Variants in RMDN1 observed in about 807,000 individuals in gnomAD.
RMDN1 encodes the protein regulator of microtubule dynamics protein 1.
RMDN1 carries 48 observed loss-of-function variants against 48.9 expected under a neutral mutation model. The observed-to-expected ratio is 0.98, with a 90% confidence interval of 0.78 to 1.25. RMDN1 has a LOEUF of 1.25. Among genes scored for constraint, RMDN1 ranks in the 50% most tolerant of loss-of-function variants. The pLI, the probability that RMDN1 is intolerant of heterozygous loss-of-function variation, is 0.00. For missense variants in RMDN1, 418 were observed against 373.4 expected (o/e 1.12, Z -0.98); for synonymous variants, 148 against 132.6 (o/e 1.12, Z -0.80).
downstream of RMDN1, chr8:86,470,230 G>T (rs1461157285): frequency 2.3e-6 from 3 of 1,289,286 alleles, no homozygotes; most frequent in Non-Finnish European, 3.0e-6. Flanking sequence ...TGATATACAT[G>T]TACGTGGGGA....
At position 86,474,848 on chromosome 8, in the gene RMDN1, T is replaced by A; in HGVS notation, c.866A>T (p.Tyr289Phe). 6.2e-7 allele frequency: 1 copy of A among 1,612,950 alleles called. No homozygotes were observed. Among genetic ancestry groups the A allele is most frequent in the Non-Finnish European group, 8.5e-7 (1 of 1,179,630 alleles). Residue 289 changes from tyrosine to phenylalanine, a missense_variant, in exon 9 of 10, where the codon TAT becomes TTT. Tyr to Phe is a conservative substitution (Grantham distance 22). Transcript: ENST00000406452. ...AAFWLMKAKD[Y>F]PAHTEEDKQI... is the part of the protein sequence containing the mutation. ...TTTATCCTCCTCTGTGTGTGCTGGA[T>A]AGTCCTTGGCTTTCATTAGCCAGAA...
chr8:86,491,367 C>A (rs1416382305), intron 2 of RMDN1, among the ~76,000 whole-genome samples: 3 of 151,978 alleles, frequency 2.0e-5, no homozygotes. Flanking sequence ...ATGTCTTGAC[C>A]TCGTGGTCTG....
At chr8:86,470,657 C>G (rs933120250), downstream of RMDN1, among the ~76,000 whole-genome samples, 1 of 152,090 alleles carries the variant, frequency 6.6e-6, no homozygotes, top group Admixed American at 6.5e-5. Flanking sequence ...AAATGCCCCT[C>G]AGCATATGGT....
chr8:86,500,213 A>G (rs1295050868), intron 2 of RMDN1, among the ~76,000 whole-genome samples: 1 of 152,170 alleles, frequency 6.6e-6, no homozygotes, highest in Non-Finnish European at 1.5e-5. Flanking sequence ...TATATAGCAA[A>G]AGAAACTATC....
chr8:86,503,385 A>AAAAAAAAAAAAAAAACAAAACAAAAC (rs1554594088), intron 2 of RMDN1, among the ~76,000 whole-genome samples: 1 of 81,094 alleles, frequency 1.2e-5, no homozygotes, highest in Non-Finnish European at 2.3e-5. Context: ...AAAAAAAAAA[A>AAAAAAAAAAAAAAAACAAAACAAAAC]AAAACAAAAA....
At chr8:86,478,750 C>T in intron 7 of RMDN1, 173 bp downstream of exon 7, 1 of 597,926 alleles carries the variant, frequency 1.7e-6, no homozygotes, top group Non-Finnish European at 3.0e-6. Context: ...AAAAGAAAAC[C>T]ACTCACCAGT....
At chr8:86,481,650 T>A in intron 5 of RMDN1, 1 of 268,518 alleles carries the variant, frequency 3.7e-6, no homozygotes. Context: ...GGAGAAGACC[T>A]AAGACCCAAT....
intron 8 of RMDN1, 137 bp from the exon 9 acceptor site, chr8:86,475,090 C>A: frequency 1.6e-6 from 1 of 629,302 alleles, no homozygotes; most frequent in East Asian, 2.9e-5. Flanking sequence ...CTCTTTTGTT[C>A]AACTGTTTAT....
At chr8:86,490,689 AAATT>A (rs1342890706) in intron 2 of RMDN1, among the ~76,000 whole-genome samples, 1 of 152,202 alleles carries the variant, frequency 6.6e-6, no homozygotes, top group Non-Finnish European at 1.5e-5. Flanking sequence ...CAGTGAAAGA[AAATT>A]AATATTAAAT....
chr8:86,470,062 G>A, downstream of RMDN1: 2 of 720,144 alleles, frequency 2.8e-6, no homozygotes, highest in Non-Finnish European at 3.4e-6. Context: ...TGGCCATCAA[G>A]AAATTGAGAG....
At chr8:86,486,773 G>T in intron 3 of RMDN1, 130 bp from the exon 4 acceptor site, 1 of 529,728 alleles carries the variant, frequency 1.9e-6, no homozygotes, top group Non-Finnish European at 3.0e-6. Context: ...AAAGCCATTA[G>T]TAATAATGCT....
At chr8:86,514,163 C>A (rs907574002) in intron 1 of RMDN1, 4 of 699,328 alleles carry the variant, frequency 5.7e-6, no homozygotes, top group Middle Eastern at 1.4e-3. Flanking sequence ...CTTCTCAGTT[C>A]AGATATGGCA....
intron 2 of RMDN1, chr8:86,503,609 G>A (rs996128453): frequency 6.2e-6 from 3 of 486,450 alleles, no homozygotes; most frequent in South Asian, 1.6e-5. Flanking sequence ...AGCTCTGATC[G>A]TTGCCATTAC....
chr8:86,512,535 A>G (rs1489503673), upstream of RMDN1, among the ~76,000 whole-genome samples: 2 of 152,192 alleles, frequency 1.3e-5, no homozygotes, highest in African/African-American at 4.8e-5. Context: ...AGCTCTTTTC[A>G]GATCCCCAGT....
At chr8:86,498,923 TAA>T (rs1464743987) in intron 2 of RMDN1, among the ~76,000 whole-genome samples, 1 of 152,152 alleles carries the variant, frequency 6.6e-6, no homozygotes, top group African/African-American at 2.4e-5. Context: ...TGCAGATCAA[TAA>T]ATGGGATTCA....
chr8:86,503,976 G>T, intron 2 of RMDN1: 1 of 770,132 alleles, frequency 1.3e-6, no homozygotes, highest in South Asian at 1.3e-5. Flanking sequence ...TCTGTGGACT[G>T]TGCACAGGTT....
chr8:86,470,480 A>C, downstream of RMDN1: 1 of 1,184,836 alleles, frequency 8.4e-7, no homozygotes, highest in Non-Finnish European at 1.1e-6. Context: ...GTCTTGCAGA[A>C]GAAACCTAAC....
At chr8:86,510,695 T>C (rs1461047702), upstream of RMDN1, among the ~76,000 whole-genome samples, 1 of 152,232 alleles carries the variant, frequency 6.6e-6, no homozygotes, top group South Asian at 2.1e-4. Context: ...AGATAATAAA[T>C]GATTGTTCCT....
chr8:86,482,049 G>A (rs1474513882), intron 5 of RMDN1: 4 of 678,282 alleles, frequency 5.9e-6, no homozygotes, highest in South Asian at 1.8e-5. Flanking sequence ...GCTAATCACT[G>A]GTCCTCCTGC....
Sources: gnomAD v4.1 joint callset for allele counts (sites outside exome capture counted in the v4.1 genomes callset) on GRCh38, gnomAD v4.1.1 for gene constraint, MANE v1.5 for transcripts, NCBI Gene and HGNC (gene_info 2026-07-23, HGNC 2026-07-21) for gene names.